Variants in KLHL1 observed in about 807,000 individuals in gnomAD.
KLHL1 encodes the protein kelch like family member 1, also known as kelch-like protein 1.
A neutral mutation model predicts 77.7 loss-of-function variants in KLHL1; 47 were observed. The observed-to-expected ratio is 0.60, with a 90% confidence interval of 0.48 to 0.77. The LOEUF (loss-of-function observed/expected upper bound fraction) is 0.77. Ranked by LOEUF, KLHL1 falls within the 30% of genes least tolerant of loss-of-function variation. The pLI is 0.00. For missense variants in KLHL1, 925 were observed against 910.8 expected (o/e 1.02, Z -0.20); for synonymous variants, 360 against 325.2 (o/e 1.11, Z -1.15).
chr13:70,088,377 A>G (rs748430253), intron 1 of KLHL1, among the ~76,000 whole-genome samples: 2 of 138,164 alleles, frequency 1.4e-5, no homozygotes, highest in Non-Finnish European at 3.1e-5. Context: ...TATCCAAAAT[A>G]TATACAAATA....
At chr13:70,022,142 A>T (rs1271498336) in intron 1 of KLHL1, among the ~76,000 whole-genome samples, 2 of 151,890 alleles carry the variant, frequency 1.3e-5, no homozygotes, top group African/African-American at 4.8e-5. Flanking sequence ...TTCATTATCT[A>T]TCAATTTTGG....
chr13:69,843,294 G>C (rs1879337066), intron 5 of KLHL1, among the ~76,000 whole-genome samples: 1 of 151,508 alleles, frequency 6.6e-6, no homozygotes, highest in Non-Finnish European at 1.5e-5. Context: ...AAAAAAATTA[G>C]AAATGTACTC....
chr13:69,783,875 T>C (rs1422624273), intron 7 of KLHL1, among the ~76,000 whole-genome samples: 1 of 151,508 alleles, frequency 6.6e-6, no homozygotes, highest in Non-Finnish European at 1.5e-5. Flanking sequence ...AGACACATAA[T>C]TGTCAGATTC....
At chr13:69,973,838 T>G (rs9592669) in intron 2 of KLHL1, among the ~76,000 whole-genome samples, 38,909 of 151,906 alleles carry the variant, frequency 0.26, 6,060 homozygotes, top group South Asian at 0.34. Context: ...TGTTAAAAAT[T>G]TAATTGGGAG....
intron 10 of KLHL1, among the ~76,000 whole-genome samples, chr13:69,702,631 C>T (rs1317406521): frequency 6.6e-6 from 1 of 151,608 alleles, no homozygotes; most frequent in African/African-American, 2.4e-5. Flanking sequence ...TATTCTTATG[C>T]TCTAAACATG....
At chr13:69,947,447 G>A (rs554923687) in intron 3 of KLHL1, among the ~76,000 whole-genome samples, 4 of 151,602 alleles carry the variant, frequency 2.6e-5, no homozygotes, top group Admixed American at 6.6e-5. Context: ...GGGTTTTTAC[G>A]ACATTTTCTT....
chr13:70,031,124 A>AC (rs5804466), intron 1 of KLHL1, among the ~76,000 whole-genome samples: 1 of 25,782 alleles, frequency 3.9e-5, no homozygotes, highest in African/African-American at 6.5e-5. Context: ...CCAAAAAAAA[A>AC]CCCAGATGTT....
rs537507624 is a variant in KLHL1, at chr13:70,060,893, A to G, written c.497+46310T>C. 3.9e-5 allele frequency among the ~76,000 whole-genome samples: 6 copies of G among 152,250 alleles called. No homozygotes were observed. The South Asian group carries it at 1.0e-3, about 26-fold the overall frequency. On this transcript the variant is annotated intron_variant, in intron 1 of 10. Transcript: ENST00000377844. ...ATATATAAACAATAGAGTACCCTTC[A>G]GCTATAAAAAAAGAACAAGATCCTG...
intron 3 of KLHL1, among the ~76,000 whole-genome samples, chr13:69,954,928 CTTTTA>C (rs1266071278): frequency 1.4e-5 from 2 of 143,052 alleles, no homozygotes; most frequent in Admixed American, 7.5e-5. Flanking sequence ...ATTTTTATTA[CTTTTA>C]TTTTGTTACT....
At chr13:69,927,197 T>A (rs1487811269) in intron 4 of KLHL1, among the ~76,000 whole-genome samples, 1 of 152,070 alleles carries the variant, frequency 6.6e-6, no homozygotes, top group Non-Finnish European at 1.5e-5. Flanking sequence ...TATACATGTG[T>A]ACACATGATA....
At chr13:69,893,236 T>G (rs1278115913) in intron 4 of KLHL1, among the ~76,000 whole-genome samples, 1 of 150,706 alleles carries the variant, frequency 6.6e-6, no homozygotes, top group East Asian at 1.9e-4. Context: ...ATTTTTTTTT[T>G]TTTTTTTTTG....
rs569396846 is a variant in KLHL1 at position 70,108,166 on chromosome 13, C to A, written c.-467G>T. 75 of 399,858 alleles carry A rather than the reference C, an allele frequency of 1.9e-4. 1 individual carries two copies. The Admixed American group carries it at 2.7e-3, about 14-fold the overall frequency. The allele number at this position is 399,858 out of a possible 1,614,324, so 24.8% of individuals were successfully genotyped here. A position where few individuals can be genotyped will look rare whatever the true frequency, so the allele number is the denominator to read the frequency against. On this transcript the variant is annotated 5_prime_UTR_variant, in exon 1 of 11. Transcript: ENST00000377844. Reference sequence around the variant, plus strand: ...GAAGGTGGTGGCGTTCTTGTCCTTGCAGCTCAGAGTTCAGTGTCTGGAGAG... The same window carrying A: ...GAAGGTGGTGGCGTTCTTGTCCTTGAAGCTCAGAGTTCAGTGTCTGGAGAG...
intron 1 of KLHL1, among the ~76,000 whole-genome samples, chr13:70,058,118 C>G (rs1886794142): frequency 6.6e-6 from 1 of 151,998 alleles, no homozygotes; most frequent in Non-Finnish European, 1.5e-5. Context: ...TATGACAGTC[C>G]CACAGGTAGT....
chr13:70,024,597 G>T (rs1885884859), intron 1 of KLHL1, among the ~76,000 whole-genome samples: 1 of 98,280 alleles, frequency 1.0e-5, no homozygotes, highest in Non-Finnish European at 2.6e-5. Flanking sequence ...GCAAGATTCT[G>T]GTTAGGGGTG....
chr13:69,945,078 C>G (rs889399432), intron 3 of KLHL1, among the ~76,000 whole-genome samples: 5 of 148,408 alleles, frequency 3.4e-5, no homozygotes, highest in African/African-American at 1.3e-4. Flanking sequence ...CTCCACCTCC[C>G]GGGTTCAAGT....
chr13:70,078,001 A>T (rs1887304013), intron 1 of KLHL1, among the ~76,000 whole-genome samples: 2 of 152,008 alleles, frequency 1.3e-5, no homozygotes, highest in East Asian at 3.9e-4. Flanking sequence ...AAAATCCTGT[A>T]CTGGAAAATA....
rs1873349131 is a variant in KLHL1, at chr13:69,727,409, C to T, written c.1803-7828G>A. Among the ~76,000 whole-genome samples the T allele has an allele frequency of 2.0e-5, 3 of 151,718 alleles. No homozygotes were observed. The South Asian group carries it at 6.2e-4, about 32-fold the overall frequency. ...GTGGACAGTGAATAGTGGACAGTCA[C>T]AAGTTAATAAGAAAAAGCAATGAAA... is the stretch of plus-strand genomic sequence containing the variant. On this transcript the variant is annotated intron_variant, in intron 8 of 10. Transcript: ENST00000377844.
intron 4 of KLHL1, among the ~76,000 whole-genome samples, chr13:69,911,090 T>A (rs1041433022): frequency 6.6e-6 from 1 of 152,090 alleles, no homozygotes; most frequent in African/African-American, 2.4e-5. Context: ...TTCCCTAGAA[T>A]TGTTAGTAAT....
intron 2 of KLHL1, among the ~76,000 whole-genome samples, chr13:69,969,491 A>G (rs2137282376): frequency 6.6e-6 from 1 of 152,230 alleles, no homozygotes; most frequent in African/African-American, 2.4e-5. Flanking sequence ...AAACTATAAT[A>G]AACTAGAGGA....
Sources: gnomAD v4.1 joint callset for allele counts (sites outside exome capture counted in the v4.1 genomes callset) on GRCh38, gnomAD v4.1.1 for gene constraint, MANE v1.5 for transcripts, NCBI Gene and HGNC (gene_info 2026-07-23, HGNC 2026-07-21) for gene names.